C11orf97: variants seen among roughly 807,000 people sequenced by gnomAD.
C11orf97 encodes the protein uncharacterized protein C11orf97.
A neutral mutation model predicts 16.2 loss-of-function variants in C11orf97; 15 were observed. The observed-to-expected ratio is 0.93, with a 90% CI of 0.62 to 1.43. The LOEUF (loss-of-function observed/expected upper bound fraction) is 1.43, where lower values mean the gene tolerates loss of function less well. Among genes scored for constraint, C11orf97 ranks in the 40% most tolerant of loss-of-function variants. C11orf97 has a pLI of 0.00. For synonymous variants in C11orf97, 61 were observed against 65.7 expected (o/e 0.93, Z 0.34); for missense variants, 171 against 161.2 (o/e 1.06, Z -0.33).
chr11:94,522,955 G>A (rs1947670595), intron 2 of C11orf97, among the ~76,000 whole-genome samples: 1 of 152,086 alleles, frequency 6.6e-6, no homozygotes, highest in Admixed American at 6.5e-5. Flanking sequence ...GCTGGGGTTG[G>A]GTTACAATGC....
intron 2 of C11orf97, among the ~76,000 whole-genome samples, chr11:94,519,799 A>G (rs980586040): frequency 1.5e-4 from 23 of 152,372 alleles, no homozygotes; most frequent in African/African-American, 5.3e-4. Flanking sequence ...TAAAATATAT[A>G]TCATGGCTAG....
chr11:94,532,021 C>G lies in C11orf97; in HGVS notation c.*121C>G. On this transcript the variant is annotated 3_prime_UTR_variant, in exon 4 of 4. Coordinates refer to ENST00000542198, the MANE Select transcript of C11orf97 (RefSeq NM_001190462.2). The stretch of plus-strand genomic sequence containing the variant: ...GCAAAAAAATGATAGCCTGTAATTA[C>G]TATTATTGGTATTAATACCTATCTA... 1.2e-5 allele frequency: 9 copies of G among 734,684 alleles called. No homozygotes were observed. Among genetic ancestry groups the G allele is most frequent in the Non-Finnish European group, 1.8e-5 (9 of 491,334 alleles). 45.5% of individuals were successfully genotyped at this position (734,684 alleles called of 1,614,324 possible).
At chr11:94,531,018 G>A (rs899678595) in intron 3 of C11orf97, among the ~76,000 whole-genome samples, 6 of 152,118 alleles carry the variant, frequency 3.9e-5, no homozygotes, top group African/African-American at 1.4e-4. Flanking sequence ...CATGAACAAT[G>A]TGATCATGGT....
chr11:94,513,263 C>T (rs1023795957), intron 1 of C11orf97, among the ~76,000 whole-genome samples: 3 of 152,172 alleles, frequency 2.0e-5, no homozygotes, highest in Non-Finnish European at 2.9e-5. Context: ...GCTCTCTGCC[C>T]TGACAAACAC....
chr11:94,524,233 G>A (rs1947681610), intron 2 of C11orf97, among the ~76,000 whole-genome samples: 1 of 152,026 alleles, frequency 6.6e-6, no homozygotes, highest in Non-Finnish European at 1.5e-5. Context: ...ACATTTTGAA[G>A]AACTTGAAGC....
chr11:94,528,603 C>T (rs1400796564), intron 3 of C11orf97, among the ~76,000 whole-genome samples: 2 of 152,236 alleles, frequency 1.3e-5, no homozygotes, highest in Non-Finnish European at 2.9e-5. Context: ...GAAGGAAGAA[C>T]ATGGCAGCCA....
chr11:94,526,691 A>G (rs1947703511), intron 2 of C11orf97, among the ~76,000 whole-genome samples: 1 of 152,146 alleles, frequency 6.6e-6, no homozygotes, highest in Non-Finnish European at 1.5e-5. Context: ...GCCCTTTTCT[A>G]TCTCTGAACA....
chr11:94,517,256 G>A (rs1947617713), intron 1 of C11orf97, among the ~76,000 whole-genome samples: 1 of 152,092 alleles, frequency 6.6e-6, no homozygotes, highest in Non-Finnish European at 1.5e-5. Context: ...TCACAGAGTA[G>A]GTCTTTAATA....
intron 1 of C11orf97, among the ~76,000 whole-genome samples, chr11:94,513,025 G>A (rs1040656919): frequency 6.6e-6 from 1 of 152,116 alleles, no homozygotes; most frequent in East Asian, 1.9e-4. Context: ...ATGTATGTAT[G>A]TATGCGTATA....
chr11:94,514,690 G>T (rs377464501), intron 1 of C11orf97, among the ~76,000 whole-genome samples: 17 of 139,516 alleles, frequency 1.2e-4, no homozygotes, highest in African/African-American at 4.6e-4. Context: ...TGTTGCCCAG[G>T]CTGGAGTACA....
chr11:94,521,953 T>C (rs2135181298), intron 2 of C11orf97, among the ~76,000 whole-genome samples: 1 of 152,302 alleles, frequency 6.6e-6, no homozygotes, highest in East Asian at 1.9e-4. Flanking sequence ...TCAACCTTGT[T>C]CCTTTCTCAA....
At chr11:94,530,836 G>A (rs544704763) in intron 3 of C11orf97, among the ~76,000 whole-genome samples, 10 of 152,264 alleles carry the variant, frequency 6.6e-5, no homozygotes, top group Admixed American at 2.0e-4. Flanking sequence ...ATCTTGAAAC[G>A]TTGCATATAT....
intron 3 of C11orf97, among the ~76,000 whole-genome samples, chr11:94,529,846 A>G (rs1947725167): frequency 6.6e-6 from 1 of 152,236 alleles, no homozygotes; most frequent in Admixed American, 6.5e-5. Context: ...CAAAGATATT[A>G]GTGTCCTGAA....
intron 2 of C11orf97, among the ~76,000 whole-genome samples, chr11:94,523,297 C>G (rs974043791): frequency 2.0e-5 from 3 of 152,130 alleles, no homozygotes; most frequent in Non-Finnish European, 4.4e-5. Flanking sequence ...TCTAGGGACC[C>G]CAACATATAT....
chr11:94,531,945 G>A lies in C11orf97; in HGVS notation c.*45G>A. On this transcript the variant is annotated 3_prime_UTR_variant, in exon 4 of 4. Coordinates refer to ENST00000542198, the MANE Select transcript of C11orf97 (RefSeq NM_001190462.2). ...TAAGAAGGAACCTCTTTCTGCTGAT[G>A]TCTGAAGAACGGAGAAGAAACTCAA... 2 of 1,427,520 alleles carry A rather than the reference G, an allele frequency of 1.4e-6. No homozygotes were observed. The highest frequency in any genetic ancestry group is 2.6e-5 in the East Asian group (1 of 38,374). The allele number at this position is 1,427,520 out of a possible 1,614,324, so 88.4% of individuals were successfully genotyped here.
At chr11:94,521,072 C>T (rs1223470149) in intron 2 of C11orf97, among the ~76,000 whole-genome samples, 6 of 152,220 alleles carry the variant, frequency 3.9e-5, no homozygotes, top group African/African-American at 1.4e-4. Context: ...GTCACCCAGA[C>T]ATTCAGATAT....
At chr11:94,514,408 C>T (rs926364515) in intron 1 of C11orf97, among the ~76,000 whole-genome samples, 4 of 152,108 alleles carry the variant, frequency 2.6e-5, no homozygotes, top group Non-Finnish European at 5.9e-5. Context: ...ACAGGCTGTT[C>T]GCACAAGCAC....
intron 3 of C11orf97, 69 bp downstream of exon 3, chr11:94,528,278 T>A: frequency 7.4e-7 from 1 of 1,348,456 alleles, no homozygotes; most frequent in Non-Finnish European, 9.8e-7. Context: ...AAACCAGTGG[T>A]ATATGCTCTG....
intron 2 of C11orf97, among the ~76,000 whole-genome samples, chr11:94,521,493 G>T (rs1380581927): frequency 6.6e-6 from 1 of 152,196 alleles, no homozygotes; most frequent in African/African-American, 2.4e-5. Context: ...ATGTTTGGCA[G>T]GTTAGGTGTA....
Sources: allele counts gnomAD v4.1 joint callset (sites outside exome capture counted in the v4.1 genomes callset), GRCh38; gene constraint gnomAD v4.1.1; transcripts MANE v1.5; gene names NCBI Gene and HGNC (gene_info 2026-07-23, HGNC 2026-07-21).